Variants in FUT6 observed in about 807,000 individuals in gnomAD.
FUT6 encodes 4-galactosyl-N-acetylglucosaminide 3-alpha-L-fucosyltransferase FUT6.
For missense variants in FUT6, 454 were observed against 494.6 expected (o/e 0.92, Z 0.78); for synonymous variants, 187 against 209.9 (o/e 0.89, Z 0.94).
Position 5,831,238 on chromosome 19 carries a change from G to C in FUT6, c.*250C>G, listed in dbSNP as rs1032421875. 5.9e-6 allele frequency: 5 copies of C among 853,710 alleles called. No homozygotes were observed. The African/African-American group carries it at 8.3e-5, about 14-fold the overall frequency. The allele number at this position is 853,710 out of a possible 1,614,324, so 52.9% of individuals were successfully genotyped here. On this transcript the variant is annotated 3_prime_UTR_variant, in exon 3 of 3. Coordinates refer to ENST00000318336, the MANE Select transcript of FUT6 (RefSeq NM_000150.4). This position sits in a 1 kb window ranked among gnomAD's most constrained non-coding sequence, Gnocchi z 7.0. ...CCGCAGGGGACGCTCCTGGAAGCCA[G>C]CATGTGAAATCCCAGGTAAGGGACA...
At chr19:5,836,362 C>T (rs1004564068) in intron 1 of FUT6, among the ~76,000 whole-genome samples, 46 of 150,440 alleles carry the variant, frequency 3.1e-4, no homozygotes, top group African/African-American at 9.8e-4. Context: ...ATTAGAGGCA[C>T]GTGCCATCAT....
chr19:5,837,625 G>C (rs915224378), intron 1 of FUT6, among the ~76,000 whole-genome samples: 1 of 151,870 alleles, frequency 6.6e-6, no homozygotes, highest in Non-Finnish European at 1.5e-5. Context: ...AATTAGCCAG[G>C]CGCGGTGGCG....
chr19:5,830,894 G>T lies in FUT6; in HGVS notation c.*594C>A. 4.0e-6 allele frequency: 1 copy of T among 248,838 alleles called. No homozygotes were observed. Among genetic ancestry groups the T allele is most frequent in the Non-Finnish European group, 7.9e-6 (1 of 126,206 alleles). 15.4% of individuals were successfully genotyped at this position (248,838 alleles called of 1,614,324 possible). The stretch of plus-strand genomic sequence containing the variant: ...GCTGGGATTACAGGTGTGAGCCACC[G>T]CACCCGGCCTCATCATCGGTTTTCT... On this transcript the variant is annotated 3_prime_UTR_variant, in exon 3 of 3. Transcript: ENST00000318336.
In FUT6 at chr19:5,832,869, T is replaced by C; in HGVS notation, c.-12-290A>G. On this transcript the variant is annotated intron_variant, in intron 2 of 2. Transcript: ENST00000318336. The surrounding 1 kb of genome is among the most constrained non-coding windows in gnomAD (Gnocchi z 4.3). ...GGGCCCTCAGGTCCCACCTTGATCC[T>C]GTCCTTTTCTGGTGTGTCCCCAGAC... 2.2e-6 allele frequency: 1 copy of C among 452,040 alleles called. No homozygotes were observed. The highest frequency in any genetic ancestry group is 4.0e-6 in the Non-Finnish European group (1 of 247,694). The allele number at this position is 452,040 out of a possible 1,614,324, so 28.0% of individuals were successfully genotyped here. A position where few individuals can be genotyped will look rare whatever the true frequency, so the allele number is the denominator to read the frequency against.
In FUT6 at chr19:5,831,377, CTCAGGCAGGTGAAGCT is replaced by C. The variant is rs1182309127; in HGVS notation, c.*95_*110del. ...GGTGACCGTCCCAGGCAGGTGAGTC[CTCAGGCAGGTGAAGCT>C]TCAGGCAAACGAGTCCTTAGGTAGA... On this transcript the variant is annotated 3_prime_UTR_variant, in exon 3 of 3. Coordinates refer to ENST00000318336, the MANE Select transcript of FUT6 (RefSeq NM_000150.4). The surrounding 1 kb of genome is among the most constrained non-coding windows in gnomAD (Gnocchi z 7.0). 1.9e-6 allele frequency: 3 copies of C among 1,610,958 alleles called. No homozygotes were observed. In the Admixed American group the frequency reaches 5.0e-5, roughly 27 times the overall value.
intron 2 of FUT6, among the ~76,000 whole-genome samples, chr19:5,833,820 C>A (rs568974336): frequency 6.6e-6 from 1 of 151,260 alleles, no homozygotes; most frequent in South Asian, 2.1e-4. Context: ...AAGAAATATT[C>A]ACTCGGGGTT....
At position 5,832,137 on chromosome 19, in the gene FUT6, TGCCA is replaced by T. The variant is rs2057110304; in HGVS notation, c.427_430del (p.Trp143SerfsTer2). The T allele has an allele frequency of 6.2e-7, 1 of 1,613,808 alleles. No individual in the cohort carries two copies. Among genetic ancestry groups the T allele is most frequent in the Admixed American group, 1.7e-5 (1 of 59,998 alleles). ...GAAGTATCCGTCCATGGCTTTCAGC[TGCCA>T]GCAGTGGCTTGGGGACTCCATGCTG... On this transcript the variant is annotated frameshift_variant, in exon 3 of 3. Coordinates refer to ENST00000318336, the MANE Select transcript of FUT6 (RefSeq NM_000150.4). LOFTEE classifies it low-confidence loss of function (END_TRUNC). The surrounding 1 kb of genome is among the most constrained non-coding windows in gnomAD (Gnocchi z 4.3).
rs372180434 is a variant in FUT6, at chr19:5,830,947, G to A, written c.*541C>T. 1.5e-5 allele frequency: 5 copies of A among 326,454 alleles called. No homozygotes were observed. The highest frequency in any genetic ancestry group is 1.1e-4 in the African/African-American group (5 of 47,038). 20.2% of individuals were successfully genotyped at this position (326,454 alleles called of 1,614,324 possible). A position where few individuals can be genotyped will look rare whatever the true frequency, so the allele number is the denominator to read the frequency against. On this transcript the variant is annotated 3_prime_UTR_variant, in exon 3 of 3. Transcript: ENST00000318336. ...GCAGTATTACATCTGGAAACGGTGC[G>A]GTGATTATCTCTCTGCACCCCTCAC...
intron 1 of FUT6, chr19:5,837,933 C>T (rs2057203534): frequency 6.6e-6 from 1 of 152,156 alleles, no homozygotes; most frequent in Admixed American, 6.5e-5. Flanking sequence ...CCTCGAGGGA[C>T]ACTCAGAGCC....
intron 1 of FUT6, chr19:5,837,861 A>T (rs1383859623): frequency 6.6e-6 from 1 of 152,202 alleles, no homozygotes; most frequent in Non-Finnish European, 1.5e-5. Flanking sequence ...CCTAGGTGTG[A>T]TGAGAAGGGA....
rs575391163 is a variant in FUT6 at position 5,831,513 on chromosome 19, C to T, written c.1055G>A (p.Arg352His). Residue 352 changes from arginine (R) to histidine (H), a missense_variant, in exon 3 of 3, where the codon CGC (arginine) becomes CAC (histidine). By Grantham distance (29) the Arg-to-His change is conservative. Transcript: ENST00000318336. This position sits in a 1 kb window ranked among gnomAD's most constrained non-coding sequence, Gnocchi z 7.0. ...KLQEESRYQT[R>H]GIAAWFT ...TCAGGTGAACCAAGCCGCTATGCCG[C>T]GTGTCTGGTACCTGGATTCCTCCTG... 5.7e-5 allele frequency: 92 copies of T among 1,614,102 alleles called. No individual in the cohort carries two copies. The South Asian group carries it at 7.9e-4, about 14-fold the overall frequency.
chr19:5,832,628 CT>C lies in FUT6; in HGVS notation c.-12-50del. On this transcript the variant is annotated intron_variant, in intron 2 of 2. Coordinates refer to ENST00000318336, the MANE Select transcript of FUT6 (RefSeq NM_000150.4). This position sits in a 1 kb window ranked among gnomAD's most constrained non-coding sequence, Gnocchi z 4.3. ...GAGGGTCATTGATGACAATCTCCTG[CT>C]TACCAAAGCTCCAGGCCATGAGTCC... is the stretch of plus-strand genomic sequence containing the variant. 1 of 1,374,278 alleles carries C rather than the reference CT, an allele frequency of 7.3e-7. No individual in the cohort carries two copies. The highest frequency in any genetic ancestry group is 1.0e-6 in the Non-Finnish European group (1 of 964,056). 85.1% of individuals were successfully genotyped at this position (1,374,278 alleles called of 1,614,324 possible).
At position 5,832,616 on chromosome 19, in the gene FUT6, G is replaced by A. The variant is rs1798599475; in HGVS notation, c.-12-37C>T. 1 of 1,456,362 alleles carries A rather than the reference G, an allele frequency of 6.9e-7. No homozygotes were observed. Among genetic ancestry groups the A allele is most frequent in the East Asian group, 2.3e-5 (1 of 44,154 alleles). 90.2% of individuals were successfully genotyped at this position (1,456,362 alleles called of 1,614,324 possible). A position where few individuals can be genotyped will look rare whatever the true frequency, so the allele number is the denominator to read the frequency against. ...GGAGAGAGGAGTGAGGGTCATTGAT[G>A]ACAATCTCCTGCTTACCAAAGCTCC... On this transcript the variant is annotated intron_variant, in intron 2 of 2. Coordinates refer to ENST00000318336, the MANE Select transcript of FUT6 (RefSeq NM_000150.4). The surrounding 1 kb of genome is among the most constrained non-coding windows in gnomAD (Gnocchi z 4.3).
rs755667009 is a variant in FUT6 at position 5,832,894 on chromosome 19, C to G, written c.-12-315G>C. ...TGTCCTTTTCTGGTGTGTCCCCAGA[C>G]TCTTCCTCAATCTGGAGAGAAGACA... is the stretch of plus-strand genomic sequence containing the variant. On this transcript the variant is annotated intron_variant, in intron 2 of 2. Coordinates refer to ENST00000318336, the MANE Select transcript of FUT6 (RefSeq NM_000150.4). The surrounding 1 kb of genome is among the most constrained non-coding windows in gnomAD (Gnocchi z 4.3). The G allele has an allele frequency of 6.6e-5, 25 of 378,044 alleles. No individual in the cohort carries two copies. The highest frequency in any genetic ancestry group is 1.2e-4 in the Non-Finnish European group (24 of 204,700). The allele number at this position is 378,044 out of a possible 1,614,324, so 23.4% of individuals were successfully genotyped here. A position where few individuals can be genotyped will look rare whatever the true frequency, so the allele number is the denominator to read the frequency against.
chr19:5,832,533 G>A lies in FUT6; in HGVS notation c.35C>T (p.Ser12Leu), dbSNP rs377238448. Residue 12 changes from serine to leucine, a missense_variant, in exon 3 of 3, where the codon TCG (serine) becomes TTG (leucine). Transcript: ENST00000318336. The surrounding 1 kb of genome is among the most constrained non-coding windows in gnomAD (Gnocchi z 4.3). ...CAGCGTGGTCAGACAGCAGCGCCAC[G>A]ACCACTGTGGCTTGGCCGGGCCCAG... ...DPLGPAKPQW[S>L]WRCCLTTLLF... 6 of 1,613,446 alleles carry A rather than the reference G, an allele frequency of 3.7e-6. No individual in the cohort carries two copies. Among genetic ancestry groups the A allele is most frequent in the Admixed American group, 1.7e-5 (1 of 59,994 alleles).
chr19:5,834,269 ACCGATAGGAGGGAGAATAGGCAGGCG>A (rs2057150188), intron 2 of FUT6: 1 of 9,686 alleles, frequency 1.0e-4, no homozygotes, highest in Non-Finnish European at 1.7e-4. Context: ...AGGCGTGGGG[ACCGATAGGAGGGAGAATAGGCAGGCG>A]TGGGGACTCA....
chr19:5,832,618 C>T lies in FUT6; in HGVS notation c.-12-39G>A. On this transcript the variant is annotated intron_variant, in intron 2 of 2. Coordinates refer to ENST00000318336, the MANE Select transcript of FUT6 (RefSeq NM_000150.4). The surrounding 1 kb of genome is among the most constrained non-coding windows in gnomAD (Gnocchi z 4.3). ...AGAGAGGAGTGAGGGTCATTGATGA[C>T]AATCTCCTGCTTACCAAAGCTCCAG... is the stretch of plus-strand genomic sequence containing the variant. 6.9e-7 allele frequency: 1 copy of T among 1,439,608 alleles called. No homozygotes were observed. Among genetic ancestry groups the T allele is most frequent in the Non-Finnish European group, 9.8e-7 (1 of 1,022,612 alleles). The allele number at this position is 1,439,608 out of a possible 1,614,324, so 89.2% of individuals were successfully genotyped here. A position where few individuals can be genotyped will look rare whatever the true frequency, so the allele number is the denominator to read the frequency against.
rs2144794065 is a variant in FUT6, at chr19:5,832,642, AG to A, written c.-12-64del. 1 of 1,249,972 alleles carries A rather than the reference AG, an allele frequency of 8.0e-7. No individual in the cohort carries two copies. The highest frequency in any genetic ancestry group is 2.3e-5 in the East Asian group (1 of 43,130). 77.4% of individuals were successfully genotyped at this position (1,249,972 alleles called of 1,614,324 possible). A position where few individuals can be genotyped will look rare whatever the true frequency, so the allele number is the denominator to read the frequency against. ...ACAATCTCCTGCTTACCAAAGCTCCAGGCCATGAGTCCTGAGAAGAGCTGTT... is the reference window on the plus strand; with the variant it reads ...ACAATCTCCTGCTTACCAAAGCTCCAGCCATGAGTCCTGAGAAGAGCTGTT... On this transcript the variant is annotated intron_variant, in intron 2 of 2. Coordinates refer to ENST00000318336, the MANE Select transcript of FUT6 (RefSeq NM_000150.4). The surrounding 1 kb of genome is among the most constrained non-coding windows in gnomAD (Gnocchi z 4.3).
intron 1 of FUT6, among the ~76,000 whole-genome samples, chr19:5,837,182 C>T (rs1054271523): frequency 7.2e-5 from 11 of 151,820 alleles, no homozygotes; most frequent in Non-Finnish European, 7.4e-5. Flanking sequence ...GGATTACAGG[C>T]GCCCCCCACC....
Sources: allele counts gnomAD v4.1 joint callset (sites outside exome capture counted in the v4.1 genomes callset), GRCh38; gene constraint gnomAD v4.1.1; non-coding constraint Gnocchi (gnomAD v3.1); transcripts MANE v1.5; gene names NCBI Gene and HGNC (gene_info 2026-07-23, HGNC 2026-07-21).